Variants in AUTS2 observed in about 807,000 individuals in gnomAD.
The protein encoded by AUTS2 is autism susceptibility gene 2 protein.
AUTS2 carries 17 observed loss-of-function variants against 112.4 expected under a neutral mutation model. The ratio of observed to expected loss-of-function variants is 0.15; its 90% CI spans 0.10 to 0.23. The LOEUF is 0.23. AUTS2 is among the 10% of genes least tolerant of loss of function. The pLI is 1.00. For missense variants in AUTS2, 1,510 were observed against 1,701.6 expected (o/e 0.89, Z 1.98); for synonymous variants, 751 against 702.7 (o/e 1.07, Z -1.09).
chr7:70,269,384 G>A (rs1787579746), intron 4 of AUTS2, among the ~76,000 whole-genome samples: 1 of 149,020 alleles, frequency 6.7e-6, no homozygotes, highest in Non-Finnish European at 1.5e-5. Flanking sequence ...TACCTTTTCA[G>A]ACCTTCCTTC....
intron 5 of AUTS2, among the ~76,000 whole-genome samples, chr7:70,676,694 T>A (rs1807929734): frequency 6.6e-6 from 1 of 152,060 alleles, no homozygotes; most frequent in Non-Finnish European, 1.5e-5. Context: ...CTGGGCAACA[T>A]GGTGAAACCC....
chr7:69,674,455 G>A (rs1461784310), intron 1 of AUTS2, among the ~76,000 whole-genome samples: 1 of 152,124 alleles, frequency 6.6e-6, no homozygotes, highest in African/African-American at 2.4e-5. Flanking sequence ...AGATGGAGAT[G>A]ATTGGAGTCT....
chr7:70,150,243 A>G (rs1285412674), intron 4 of AUTS2, among the ~76,000 whole-genome samples: 2 of 152,150 alleles, frequency 1.3e-5, no homozygotes, highest in Non-Finnish European at 2.9e-5. Flanking sequence ...GAATAAGGCT[A>G]TTAGAACAAA....
At chr7:70,260,615 T>C (rs1469766774) in intron 4 of AUTS2, among the ~76,000 whole-genome samples, 1 of 151,948 alleles carries the variant, frequency 6.6e-6, no homozygotes, top group African/African-American at 2.4e-5. Context: ...ATTGCTGCAT[T>C]GGAGATTAAG....
intron 5 of AUTS2, among the ~76,000 whole-genome samples, chr7:70,441,075 A>G (rs1011933937): frequency 2.6e-5 from 4 of 152,206 alleles, no homozygotes; most frequent in African/African-American, 4.8e-5. Context: ...GTGTGCAGAC[A>G]TGTGCCACCC....
intron 4 of AUTS2, among the ~76,000 whole-genome samples, chr7:70,160,647 C>A (rs755191788): frequency 3.9e-5 from 6 of 152,188 alleles, no homozygotes; most frequent in Non-Finnish European, 5.9e-5. Context: ...TTATTGTTGT[C>A]TTTTCTACTC....
intron 4 of AUTS2, among the ~76,000 whole-genome samples, chr7:70,185,011 C>T (rs1250012633): frequency 6.6e-6 from 1 of 152,066 alleles, no homozygotes; most frequent in Non-Finnish European, 1.5e-5. Flanking sequence ...TGATACTTTG[C>T]AATATAGTTA....
intron 4 of AUTS2, among the ~76,000 whole-genome samples, chr7:70,194,342 A>G (rs373382146): frequency 5.6e-4 from 85 of 152,306 alleles, no homozygotes; most frequent in African/African-American, 2.0e-3. Flanking sequence ...CCTGGGAGGC[A>G]GAGGTGGCAG....
intron 3 of AUTS2, among the ~76,000 whole-genome samples, chr7:70,125,158 C>T (rs1805897280): frequency 6.6e-6 from 1 of 151,554 alleles, no homozygotes; most frequent in Non-Finnish European, 1.5e-5. Context: ...GAATGCCAGA[C>T]ATTATAAAAT....
chr7:69,688,324 T>C (rs1257984307), intron 1 of AUTS2, among the ~76,000 whole-genome samples: 1 of 152,204 alleles, frequency 6.6e-6, no homozygotes, highest in Non-Finnish European at 1.5e-5. Context: ...TTGAATGAGG[T>C]GCTGGAATAA....
rs1054684508 is a variant in AUTS2 at position 70,138,383 on chromosome 7, G to T, written c.660+3812G>T. On this transcript the variant is annotated intron_variant, in intron 4 of 18. Transcript: ENST00000342771. ...CATTCTTTATAGCACTTGACTCCAT[G>T]TGGAGTTGGGAGCTACTTTTGGGGC... is the stretch of plus-strand genomic sequence containing the variant. 1.2e-4 allele frequency among the ~76,000 whole-genome samples: 18 copies of T among 152,316 alleles called. 1 individual carries two copies. The highest frequency in any genetic ancestry group is 3.6e-4 in the African/African-American group (15 of 41,582).
At chr7:70,347,846 C>T (rs1791563690) in intron 4 of AUTS2, among the ~76,000 whole-genome samples, 1 of 152,232 alleles carries the variant, frequency 6.6e-6, no homozygotes, top group Non-Finnish European at 1.5e-5. Context: ...TCTACGGCTC[C>T]AGGAGATGAC....
intron 5 of AUTS2, among the ~76,000 whole-genome samples, chr7:70,514,033 T>C (rs957724027): frequency 2.0e-5 from 3 of 152,220 alleles, no homozygotes; most frequent in Non-Finnish European, 4.4e-5. Flanking sequence ...TTAACCTTTA[T>C]GTAAATAATG....
chr7:69,832,396 G>GCT (rs1040817730), intron 1 of AUTS2, among the ~76,000 whole-genome samples: 20 of 152,284 alleles, frequency 1.3e-4, no homozygotes, highest in African/African-American at 4.8e-4. Flanking sequence ...CGTTGCAGTT[G>GCT]CTCTATACAT....
intron 4 of AUTS2, among the ~76,000 whole-genome samples, chr7:70,329,102 T>G (rs148669062): frequency 4.3e-4 from 65 of 152,356 alleles, no homozygotes; most frequent in African/African-American, 1.5e-3. Flanking sequence ...TATGTGTGTA[T>G]AATTACTCCA....
At chr7:70,759,077 C>CTTTGTAGCTT (rs1428738608) in intron 6 of AUTS2, among the ~76,000 whole-genome samples, 1 of 152,190 alleles carries the variant, frequency 6.6e-6, no homozygotes, top group Non-Finnish European at 1.5e-5. Flanking sequence ...TACAGCCACT[C>CTTTGTAGCTT]TTTGTAGCTT....
At chr7:70,142,611 G>A (rs1806924185) in intron 4 of AUTS2, among the ~76,000 whole-genome samples, 1 of 152,058 alleles carries the variant, frequency 6.6e-6, no homozygotes, top group Non-Finnish European at 1.5e-5. Flanking sequence ...TTTTATATTT[G>A]CATCATTCAT....
At chr7:70,701,933 G>A (rs1809482256) in intron 6 of AUTS2, among the ~76,000 whole-genome samples, 1 of 152,154 alleles carries the variant, frequency 6.6e-6, no homozygotes, top group Non-Finnish European at 1.5e-5. Context: ...TTAGTTGATT[G>A]AAATGCTATA....
chr7:70,270,838 C>T (rs1331823756), intron 4 of AUTS2, among the ~76,000 whole-genome samples: 1 of 152,116 alleles, frequency 6.6e-6, no homozygotes, highest in Non-Finnish European at 1.5e-5. Flanking sequence ...GGAGGGAAGA[C>T]ATATCATCTT....
Sources: gnomAD v4.1 joint callset for allele counts (sites outside exome capture counted in the v4.1 genomes callset) on GRCh38, gnomAD v4.1.1 for gene constraint, MANE v1.5 for transcripts, NCBI Gene and HGNC (gene_info 2026-07-23, HGNC 2026-07-21) for gene names.